MAJIN: variants seen among roughly 807,000 people sequenced by gnomAD.
The protein encoded by MAJIN is membrane anchored junction protein.
A neutral mutation model predicts 30.2 loss-of-function variants in MAJIN; 27 were observed. That is an observed-to-expected ratio of 0.89 (90% CI 0.66 to 1.23). The LOEUF is 1.23. Ranked by LOEUF, MAJIN falls within the 50% of genes most tolerant of loss-of-function variation. MAJIN has a pLI of 0.00. For missense variants in MAJIN, 253 were observed against 260.3 expected (o/e 0.97, Z 0.19); for synonymous variants, 78 against 91.6 (o/e 0.85, Z 0.85).
chr11:64,970,829 C>G (rs1945888604), intron 1 of MAJIN, among the ~76,000 whole-genome samples: 4 of 152,174 alleles, frequency 2.6e-5, no homozygotes. Context: ...TATTTACTTG[C>G]AAGGTGCAAT....
intron 1 of MAJIN, among the ~76,000 whole-genome samples, chr11:64,969,845 G>A (rs545597692): frequency 4.6e-5 from 7 of 152,204 alleles, no homozygotes; most frequent in South Asian, 2.1e-4. Flanking sequence ...GAGGGAGAGC[G>A]ATGACTCCTG....
At chr11:64,967,769 A>C (rs1945834949) in intron 1 of MAJIN, among the ~76,000 whole-genome samples, 1 of 152,220 alleles carries the variant, frequency 6.6e-6, no homozygotes, top group Non-Finnish European at 1.5e-5. Flanking sequence ...CTGGGCACTA[A>C]TATGGTAAGT....
intron 8 of MAJIN, among the ~76,000 whole-genome samples, chr11:64,945,826 C>T (rs766542268): frequency 1.3e-5 from 2 of 152,168 alleles, no homozygotes; most frequent in African/African-American, 2.4e-5. Context: ...CATGAGCCAC[C>T]GTACCAGGCA....
chr11:64,957,808 T>C (rs1945659274), intron 3 of MAJIN, among the ~76,000 whole-genome samples: 1 of 152,240 alleles, frequency 6.6e-6, no homozygotes, highest in Admixed American at 6.5e-5. Flanking sequence ...GCGATTCTCC[T>C]GCCTCAGCCT....
At chr11:64,949,974 C>A in intron 5 of MAJIN, 106 bp from the exon 6 acceptor site, 1 of 1,429,162 alleles carries the variant, frequency 7.0e-7, no homozygotes, top group African/African-American at 1.4e-5. Flanking sequence ...CTCCAAACTG[C>A]CTATGGTTTT....
intron 9 of MAJIN, 148 bp from the exon 10 acceptor site, chr11:64,939,915 C>T (rs746740789): frequency 4.9e-6 from 3 of 612,434 alleles, no homozygotes; most frequent in Non-Finnish European, 5.6e-6. Flanking sequence ...CTGACCTTCC[C>T]AATTTCATCT....
intron 7 of MAJIN, 60 bp from the exon 8 acceptor site, chr11:64,947,525 AG>A: frequency 6.6e-7 from 1 of 1,523,410 alleles, no homozygotes; most frequent in Non-Finnish European, 9.1e-7. Flanking sequence ...CAGTTCATGA[AG>A]GCACAGTGAA....
At chr11:64,945,996 G>C in intron 8 of MAJIN, 1 of 1,246,906 alleles carries the variant, frequency 8.0e-7, no homozygotes, top group South Asian at 1.6e-5. Context: ...ACCAAGATGT[G>C]CTGGTAACCG....
At chr11:64,959,495 A>G (rs1945690437) in intron 2 of MAJIN, 73 bp from the exon 3 acceptor site, 4 of 1,124,768 alleles carry the variant, frequency 3.6e-6, no homozygotes, top group Non-Finnish European at 5.3e-6. Flanking sequence ...GAACCTGCCC[A>G]ATCTGTAACA....
chr11:64,961,723 G>A lies in MAJIN; in HGVS notation c.-64-1588C>T, dbSNP rs185331731. ...GATCTCCTGGCCTTGTGATCCGCCC[G>A]CCTCGGCCTCCCAAAGTGCTGGGAT... On this transcript the variant is annotated intron_variant, in intron 1 of 10. Coordinates refer to ENST00000301896, the MANE Select transcript of MAJIN (RefSeq NM_001037225.3). Among the ~76,000 whole-genome samples the A allele has an allele frequency of 2.9e-3, 439 of 150,708 alleles. 3 individuals carry two copies. The highest frequency in any genetic ancestry group is 0.01 in the African/African-American group (418 of 40,984).
intron 1 of MAJIN, among the ~76,000 whole-genome samples, chr11:64,970,359 G>GTT (rs1945879112): frequency 8.2e-6 from 1 of 122,326 alleles, no homozygotes; most frequent in African/African-American, 3.2e-5. Flanking sequence ...GCAAGACTCC[G>GTT]TCTTTTTTTT....
chr11:64,940,999 C>T lies in MAJIN; in HGVS notation c.474-353G>A, dbSNP rs539299408. Among the ~76,000 whole-genome samples, 703 of 151,846 alleles carry T rather than the reference C, an allele frequency of 4.6e-3. 8 individuals are homozygous for T. The highest frequency in any genetic ancestry group is 3.5e-3 in the Non-Finnish European group (238 of 67,888). On this transcript the variant is annotated intron_variant, in intron 8 of 10. Transcript: ENST00000301896. ...GACTACAGGCGCCCGCCACCATGCCCGGCTAATTTTTTGTATTTTTAGTAG... is the reference window on the plus strand; with the variant it reads ...GACTACAGGCGCCCGCCACCATGCCTGGCTAATTTTTTGTATTTTTAGTAG...
intron 8 of MAJIN, among the ~76,000 whole-genome samples, chr11:64,943,324 A>G (rs778364664): frequency 1.4e-4 from 21 of 152,216 alleles, no homozygotes; most frequent in Non-Finnish European, 2.8e-4. Context: ...CTGAAGTAAC[A>G]AAGGCAAGGG....
At chr11:64,971,417 G>T (rs1292840065) in intron 1 of MAJIN, among the ~76,000 whole-genome samples, 2 of 108,152 alleles carry the variant, frequency 1.8e-5, no homozygotes, top group African/African-American at 7.3e-5. Context: ...GACAGAGCGA[G>T]ACCCCGCCTC....
chr11:64,950,444 T>C lies in MAJIN; in HGVS notation c.148-14A>G. 1 of 1,609,650 alleles carries C rather than the reference T, an allele frequency of 6.2e-7. No individual in the cohort carries two copies. The highest frequency in any genetic ancestry group is 8.5e-7 in the Non-Finnish European group (1 of 1,176,126). On this transcript the variant is annotated splice_polypyrimidine_tract_variant and intron_variant, in intron 4 of 10. Transcript: ENST00000301896. ...GCGGACAGAATCCTGAAAAACATAT[T>C]TGAAATGACTTTAACACTGTTGAGT...
chr11:64,958,600 A>AG (rs1251977161), intron 3 of MAJIN, among the ~76,000 whole-genome samples: 1 of 138,188 alleles, frequency 7.2e-6, no homozygotes, highest in Non-Finnish European at 1.5e-5. Flanking sequence ...TCTTGGGAGA[A>AG]AAAAAAAAAA....
chr11:64,969,642 G>A (rs891810874), intron 1 of MAJIN, among the ~76,000 whole-genome samples: 2 of 152,108 alleles, frequency 1.3e-5, no homozygotes, highest in African/African-American at 2.4e-5. Flanking sequence ...GATGACAAAA[G>A]GTGAACTGAT....
At chr11:64,965,934 C>A (rs1421684665) in intron 1 of MAJIN, among the ~76,000 whole-genome samples, 1 of 142,594 alleles carries the variant, frequency 7.0e-6, no homozygotes, top group Admixed American at 7.3e-5. Flanking sequence ...CCAGCCTGGG[C>A]AACAGAGCGA....
intron 1 of MAJIN, among the ~76,000 whole-genome samples, chr11:64,963,610 G>A (rs1945760944): frequency 1.3e-5 from 2 of 152,206 alleles, no homozygotes; most frequent in African/African-American, 4.8e-5. Flanking sequence ...GGCTGCAGCA[G>A]GTGGATCACC....
Sources: allele counts gnomAD v4.1 joint callset (sites outside exome capture counted in the v4.1 genomes callset), GRCh38; gene constraint gnomAD v4.1.1; transcripts MANE v1.5; gene names NCBI Gene and HGNC (gene_info 2026-07-23, HGNC 2026-07-21).